Variants in BTRC observed in about 807,000 individuals in gnomAD.
The protein encoded by BTRC is beta-transducin repeat containing E3 ubiquitin protein ligase, also known as F-box/WD repeat-containing protein 1A.
BTRC carries 42 observed loss-of-function variants against 85.5 expected under a neutral mutation model. That is an observed-to-expected ratio of 0.49 (90% CI 0.38 to 0.64). BTRC has a LOEUF of 0.64. Ranked by LOEUF, BTRC falls within the 30% of genes least tolerant of loss-of-function variation. The pLI is 0.00. For synonymous variants in BTRC, 255 were observed against 263.3 expected, an observed-to-expected ratio of 0.97 and a Z score of 0.30; for missense variants, 594 against 743.5, an observed-to-expected ratio of 0.80 and a Z score of 2.34.
At chr10:101,548,202 C>G (rs11191042) in intron 13 of BTRC, among the ~76,000 whole-genome samples, 48,433 of 152,006 alleles carry the variant, frequency 0.32, 9,932 homozygotes, top group East Asian at 0.66. Flanking sequence ...GCCAAACATA[C>G]ACCTACCCCG....
At chr10:101,428,810 T>C (rs1158698814) in intron 1 of BTRC, among the ~76,000 whole-genome samples, 3 of 152,192 alleles carry the variant, frequency 2.0e-5, no homozygotes, top group Non-Finnish European at 4.4e-5. Context: ...TCCTTTGGAT[T>C]TATTTGCAGC....
intron 4 of BTRC, among the ~76,000 whole-genome samples, chr10:101,495,494 G>T (rs1946236209): frequency 6.6e-6 from 1 of 152,120 alleles, no homozygotes; most frequent in Non-Finnish European, 1.5e-5. Flanking sequence ...GCTCTGTAAG[G>T]GCCTGTGGTG....
At chr10:101,462,440 G>A (rs946328450) in intron 3 of BTRC, among the ~76,000 whole-genome samples, 12 of 152,286 alleles carry the variant, frequency 7.9e-5, no homozygotes, top group Admixed American at 3.3e-4. Context: ...ACCACTTTGG[G>A]AGGCTGAGGC....
chr10:101,432,810 C>T (rs921605176), intron 2 of BTRC, among the ~76,000 whole-genome samples: 1 of 152,170 alleles, frequency 6.6e-6, no homozygotes, highest in Non-Finnish European at 1.5e-5. Flanking sequence ...ATCCTCTCCC[C>T]ATGGAGTCAT....
intron 14 of BTRC, among the ~76,000 whole-genome samples, chr10:101,552,015 A>G (rs2062658312): frequency 6.6e-6 from 1 of 151,354 alleles, no homozygotes. Context: ...CCATATACCT[A>G]CCCCCTCCTT....
At chr10:101,421,968 A>G (rs1353995924) in intron 1 of BTRC, among the ~76,000 whole-genome samples, 1 of 152,120 alleles carries the variant, frequency 6.6e-6, no homozygotes, top group East Asian at 1.9e-4. Flanking sequence ...ATGATTTATA[A>G]TCCTCTGGGT....
At chr10:101,460,006 T>A (rs1022404892) in intron 2 of BTRC, among the ~76,000 whole-genome samples, 2 of 152,212 alleles carry the variant, frequency 1.3e-5, no homozygotes, top group African/African-American at 4.8e-5. Flanking sequence ...CCAAGTTATA[T>A]GATAACATTT....
chr10:101,354,118 G>A, upstream of BTRC: 1 of 1,536,002 alleles, frequency 6.5e-7, no homozygotes. Flanking sequence ...GCGCTGCGTT[G>A]GCTGCGGCCT....
intron 1 of BTRC, among the ~76,000 whole-genome samples, chr10:101,370,418 T>C (rs1942600242): frequency 6.6e-6 from 1 of 152,112 alleles, no homozygotes; most frequent in Non-Finnish European, 1.5e-5. Context: ...CCGCCCCTTC[T>C]TCCTTATCCT....
chr10:101,358,701 G>A (rs1345125538), intron 1 of BTRC, among the ~76,000 whole-genome samples: 4 of 152,140 alleles, frequency 2.6e-5, no homozygotes, highest in Non-Finnish European at 4.4e-5. Context: ...TCTCTACCTG[G>A]CTGCTTGGAT....
chr10:101,490,874 CA>C (rs1946111834), intron 4 of BTRC, among the ~76,000 whole-genome samples: 1 of 151,870 alleles, frequency 6.6e-6, no homozygotes, highest in Non-Finnish European at 1.5e-5. Flanking sequence ...GCCTGGCCAA[CA>C]GGATGAAACT....
chr10:101,454,084 G>A (rs897918656), intron 2 of BTRC, among the ~76,000 whole-genome samples: 2 of 152,188 alleles, frequency 1.3e-5, no homozygotes, highest in African/African-American at 4.8e-5. Flanking sequence ...CAGTTGGGCT[G>A]CCACTGAAGT....
Position 101,441,687 on chromosome 10 carries a change from C to T in BTRC, c.156+11235C>T, listed in dbSNP as rs1019225653. 5.3e-5 allele frequency among the ~76,000 whole-genome samples: 8 copies of T among 152,024 alleles called. No homozygotes were observed. The South Asian group carries it at 1.0e-3, about 20-fold the overall frequency. On this transcript the variant is annotated intron_variant, in intron 2 of 14. Transcript: ENST00000370187. ...CTGAGCTCACGAATTTGAGACCAGC[C>T]TGGGTAGCATGGTGAAACCCAGTCA...
intron 3 of BTRC, among the ~76,000 whole-genome samples, chr10:101,474,278 CTTGGTT>C (rs1389978516): frequency 1.3e-5 from 2 of 152,108 alleles, no homozygotes; most frequent in Admixed American, 1.3e-4. Context: ...CTTGTGGAGG[CTTGGTT>C]TTGTATTTGT....
intron 5 of BTRC, among the ~76,000 whole-genome samples, chr10:101,524,875 T>C (rs1448089387): frequency 6.6e-6 from 1 of 152,218 alleles, no homozygotes. Context: ...TAATGCTTTC[T>C]TTCTCAAGTC....
At chr10:101,534,987 A>G (rs2062364194) in intron 10 of BTRC, 77 bp downstream of exon 10, 12 of 1,493,730 alleles carry the variant, frequency 8.0e-6, no homozygotes, top group Admixed American at 1.7e-5. Context: ...GGGCAATTTC[A>G]TATTTAAACG....
chr10:101,544,082 T>C (rs1446066828), intron 13 of BTRC, among the ~76,000 whole-genome samples: 1 of 152,100 alleles, frequency 6.6e-6, no homozygotes, highest in Non-Finnish European at 1.5e-5. Flanking sequence ...GCTAATTTTT[T>C]GTAGTTTTAA....
intron 1 of BTRC, among the ~76,000 whole-genome samples, chr10:101,375,169 T>C (rs1323822895): frequency 6.6e-6 from 1 of 151,938 alleles, no homozygotes; most frequent in Non-Finnish European, 1.5e-5. Flanking sequence ...TGGTAGGAGG[T>C]GTTTGGATCA....
chr10:101,449,864 C>A (rs1186556875), intron 2 of BTRC, among the ~76,000 whole-genome samples: 4 of 150,936 alleles, frequency 2.7e-5, no homozygotes, highest in Non-Finnish European at 4.4e-5. Flanking sequence ...AGTTCCATCA[C>A]GAAAAACACA....
Sources: gnomAD v4.1 joint callset for allele counts (sites outside exome capture counted in the v4.1 genomes callset) on GRCh38, gnomAD v4.1.1 for gene constraint, MANE v1.5 for transcripts, NCBI Gene and HGNC (gene_info 2026-07-23, HGNC 2026-07-21) for gene names.